Variants in CAPN13 observed in about 807,000 individuals in gnomAD.
CAPN13 encodes the protein calpain-13.
Under a neutral mutation model 98.4 loss-of-function variants are expected in CAPN13, and 90 were observed. The ratio of observed to expected loss-of-function variants is 0.92; its 90% confidence interval spans 0.77 to 1.09. The LOEUF is 1.09. Among genes scored for constraint, CAPN13 ranks in the 50% least tolerant of loss-of-function variants. The pLI, the probability that CAPN13 is intolerant of heterozygous loss-of-function variation, is 0.00. For synonymous variants in CAPN13, 330 were observed against 305.5 expected (o/e 1.08, Z -0.84); for missense variants, 887 against 841.3 (o/e 1.05, Z -0.67).
chr2:30,759,022 T>TCTTCCTTCCCTCCCTCCCTCCTTC (rs763515838), intron 7 of CAPN13, among the ~76,000 whole-genome samples: 1 of 90,726 alleles, frequency 1.1e-5, no homozygotes, highest in African/African-American at 4.5e-5. Context: ...CTGCTCCTAT[T>TCTTCCTTCCCTCCCTCCCTCCTTC]CTTCCTTCCC....
intron 19 of CAPN13, among the ~76,000 whole-genome samples, chr2:30,734,074 G>A (rs527360491): frequency 2.6e-5 from 4 of 152,344 alleles, no homozygotes; most frequent in Admixed American, 2.0e-4. Context: ...GAGAGAGAGC[G>A]ATCATCAGCT....
chr2:30,805,764 G>A (rs1675586541), intron 1 of CAPN13, among the ~76,000 whole-genome samples: 1 of 18,726 alleles, frequency 5.3e-5, no homozygotes, highest in African/African-American at 3.2e-4. Flanking sequence ...TTTTGAGACA[G>A]GGTCTTGCTC....
At position 30,731,434 on chromosome 2, in the gene CAPN13, G is replaced by C. The variant is rs1671089837; in HGVS notation, c.1928-35C>G. The C allele has an allele frequency of 1.9e-6, 3 of 1,586,692 alleles. No individual in the cohort carries two copies. In the East Asian group the frequency reaches 6.8e-5, roughly 36 times the overall value. On this transcript the variant is annotated intron_variant, in intron 20 of 22. Coordinates refer to ENST00000295055, the MANE Select transcript of CAPN13 (RefSeq NM_144575.3). The stretch of plus-strand genomic sequence containing the variant: ...AGAAGGGAAGGTTTTGACTGACTGA[G>C]GAGGAAGGAATCCAGGCAGTTCAGG...
intron 5 of CAPN13, among the ~76,000 whole-genome samples, chr2:30,769,809 C>T (rs139574588): frequency 4.6e-5 from 7 of 152,266 alleles, no homozygotes; most frequent in Non-Finnish European, 8.8e-5. Context: ...GCAGCCACAC[C>T]GGGTGCCCAA....
chr2:30,789,434 G>A (rs1251676829), intron 1 of CAPN13, among the ~76,000 whole-genome samples: 2 of 152,172 alleles, frequency 1.3e-5, no homozygotes, highest in East Asian at 3.9e-4. Flanking sequence ...ACAATTATGG[G>A]ATTGCCTGTA....
chr2:30,753,802 T>C (rs1379664443), intron 9 of CAPN13, among the ~76,000 whole-genome samples: 1 of 152,162 alleles, frequency 6.6e-6, no homozygotes, highest in Non-Finnish European at 1.5e-5. Flanking sequence ...TGCTCTAAGA[T>C]GTGAGCATAT....
intron 2 of CAPN13, among the ~76,000 whole-genome samples, chr2:30,783,404 G>A (rs1315619872): frequency 6.6e-6 from 1 of 152,126 alleles, no homozygotes; most frequent in East Asian, 1.9e-4. Flanking sequence ...GGAGGGCTTG[G>A]GAACAGAATA....
intron 10 of CAPN13, among the ~76,000 whole-genome samples, chr2:30,752,499 G>A (rs1241443991): frequency 6.6e-6 from 1 of 152,192 alleles, no homozygotes; most frequent in African/African-American, 2.4e-5. Flanking sequence ...GCGCCTACCT[G>A]TGGGACTTCA....
chr2:30,784,381 C>G (rs1185302950), intron 2 of CAPN13, among the ~76,000 whole-genome samples: 1 of 152,054 alleles, frequency 6.6e-6, no homozygotes, highest in East Asian at 1.9e-4. Flanking sequence ...ATGACTTTTC[C>G]CAAATTAATC....
intron 2 of CAPN13, among the ~76,000 whole-genome samples, chr2:30,781,122 C>T (rs1334432741): frequency 6.6e-6 from 1 of 152,222 alleles, no homozygotes; most frequent in Non-Finnish European, 1.5e-5. Context: ...GTTCAAGATT[C>T]ACATAGCTTC....
intron 1 of CAPN13, among the ~76,000 whole-genome samples, chr2:30,792,923 A>G (rs985272688): frequency 6.6e-6 from 1 of 151,992 alleles, no homozygotes; most frequent in Admixed American, 6.6e-5. Context: ...ATTTTTAAAA[A>G]TCCACCTGCA....
intron 14 of CAPN13, 73 bp from the exon 15 acceptor site, chr2:30,742,037 C>A (rs1177483617): frequency 3.7e-6 from 5 of 1,337,638 alleles, no homozygotes; most frequent in South Asian, 1.2e-5. Flanking sequence ...AGCAAGGGTG[C>A]AACAACCCCT....
intron 12 of CAPN13, 39 bp downstream of exon 12, chr2:30,745,684 G>A: frequency 1.3e-6 from 2 of 1,594,482 alleles, no homozygotes; most frequent in Non-Finnish European, 1.7e-6. Flanking sequence ...CCAGCAGACA[G>A]CAGCAGAGGC....
chr2:30,759,150 C>CCTTTT (rs1553313304), intron 7 of CAPN13, among the ~76,000 whole-genome samples: 2 of 134,264 alleles, frequency 1.5e-5, no homozygotes, highest in Non-Finnish European at 3.1e-5. Flanking sequence ...TCTTCCCCTT[C>CCTTTT]CTTTTTTCCT....
At chr2:30,731,856 T>G (rs1671113312) in intron 20 of CAPN13, among the ~76,000 whole-genome samples, 1 of 152,206 alleles carries the variant, frequency 6.6e-6, no homozygotes, top group Admixed American at 6.5e-5. Context: ...GCTGCAGGCT[T>G]TGCAGCAGTG....
intron 9 of CAPN13, among the ~76,000 whole-genome samples, chr2:30,753,411 G>A (rs1054000775): frequency 1.4e-4 from 22 of 152,168 alleles, no homozygotes; most frequent in East Asian, 5.8e-4. Context: ...GGGGTCTGCC[G>A]GTCACCTGGC....
rs373816885 is a variant in CAPN13, at chr2:30,757,601, T to C, written c.866+445A>G. On this transcript the variant is annotated intron_variant, in intron 8 of 22. Transcript: ENST00000295055. Reference sequence around the variant, plus strand: ...AGTTAGGACACCTTTTCCACCCTGATGATGTGACATGCTCAGGATCAGAAT... The same window carrying C: ...AGTTAGGACACCTTTTCCACCCTGACGATGTGACATGCTCAGGATCAGAAT... Among the ~76,000 whole-genome samples the C allele has an allele frequency of 5.3e-5, 8 of 152,338 alleles. No individual in the cohort carries two copies. In the East Asian group the frequency reaches 1.2e-3, roughly 22 times the overall value.
chr2:30,742,381 T>G, intron 13 of CAPN13, 22 bp from the exon 14 acceptor site: 5 of 1,599,044 alleles, frequency 3.1e-6, no homozygotes, highest in Non-Finnish European at 4.3e-6. Context: ...GAGGACAGTG[T>G]GACAAAGATG....
chr2:30,726,883 A>G (rs1670876296), intron 22 of CAPN13, among the ~76,000 whole-genome samples: 1 of 152,198 alleles, frequency 6.6e-6, no homozygotes, highest in Admixed American at 6.5e-5. Context: ...AACCCAGAAG[A>G]GCCAAAATAG....
Sources: allele counts gnomAD v4.1 joint callset (sites outside exome capture counted in the v4.1 genomes callset), GRCh38; gene constraint gnomAD v4.1.1; transcripts MANE v1.5; gene names NCBI Gene and HGNC (gene_info 2026-07-23, HGNC 2026-07-21).